Variants in MYH9 observed in about 807,000 individuals in gnomAD.
MYH9 encodes the protein myosin-9.
A neutral mutation model predicts 241.9 loss-of-function variants in MYH9; 29 were observed. The observed-to-expected ratio is 0.12, with a 90% CI of 0.09 to 0.16. The LOEUF (loss-of-function observed/expected upper bound fraction) is 0.16, where lower values mean the gene tolerates loss of function less well. Among genes scored for constraint, MYH9 ranks in the 10% least tolerant of loss-of-function variants. The pLI is 1.00. For missense variants in MYH9, 1,803 were observed against 2,595.5 expected (o/e 0.69, Z 6.63); for synonymous variants, 1,047 against 1,062.6 (o/e 0.99, Z 0.29).
At chr22:36,314,628 G>A (rs559439547) in intron 12 of MYH9, among the ~76,000 whole-genome samples, 9 of 152,078 alleles carry the variant, frequency 5.9e-5, no homozygotes, top group East Asian at 1.9e-4. Context: ...TATTGTGATC[G>A]AGTAATACAT....
intron 1 of MYH9, among the ~76,000 whole-genome samples, chr22:36,379,736 C>T (rs910610325): frequency 2.0e-5 from 3 of 152,158 alleles, no homozygotes; most frequent in Non-Finnish European, 2.9e-5. Flanking sequence ...TCCGGAAGGC[C>T]CTGCAAAGGC....
chr22:36,303,198 C>T (rs372901181), intron 19 of MYH9, among the ~76,000 whole-genome samples: 4 of 152,014 alleles, frequency 2.6e-5, no homozygotes, highest in African/African-American at 4.8e-5. Context: ...TCCCAGAGCT[C>T]GGCGCTCCTG....
intron 2 of MYH9, among the ~76,000 whole-genome samples, chr22:36,344,304 C>CGGTG (rs138892890): frequency 0.03 from 4,577 of 152,298 alleles, 218 homozygotes; most frequent in African/African-American, 0.1. Flanking sequence ...ATCCCAGGGC[C>CGGTG]TCACCCCCTG....
In MYH9 at chr22:36,289,413, G is replaced by A. The variant is rs56392504; in HGVS notation, c.4345-116C>T. On this transcript the variant is annotated intron_variant, in intron 31 of 40. Coordinates refer to ENST00000216181, the MANE Select transcript of MYH9 (RefSeq NM_002473.6). ...CCAGAGGCCACGGTGGAGAGGAGCA[G>A]GCCTAGGAAGCACAGGCCCAGGGCT... The A allele has an allele frequency of 4.6e-3, 4,362 of 938,580 alleles. 16 individuals carry two copies. The highest frequency in any genetic ancestry group is 6.3e-3 in the Non-Finnish European group (3,881 of 616,930). 58.1% of individuals were successfully genotyped at this position (938,580 alleles called of 1,614,324 possible).
chr22:36,286,102 T>C, intron 35 of MYH9, 149 bp from the exon 36 acceptor site: 1 of 773,630 alleles, frequency 1.3e-6, no homozygotes, highest in Non-Finnish European at 2.2e-6. Flanking sequence ...CTCACAGGGC[T>C]GGTGCCCCCC....
At chr22:36,348,123 G>A (rs956349329) in intron 2 of MYH9, among the ~76,000 whole-genome samples, 10 of 145,542 alleles carry the variant, frequency 6.9e-5, no homozygotes, top group Admixed American at 1.4e-4. Context: ...AAATAATTAA[G>A]ATATTTTATT....
chr22:36,293,198 G>A lies in MYH9; in HGVS notation c.4095+131C>T, dbSNP rs1014807567. ...TGAGAGCACTGATGTGGGAGAGCAC[G>A]GTTGGCTTCCCAGGGGGAGAGCAGC... On this transcript the variant is annotated intron_variant, in intron 30 of 40. Coordinates refer to ENST00000216181, the MANE Select transcript of MYH9 (RefSeq NM_002473.6). This position sits in a 1 kb window ranked among gnomAD's most constrained non-coding sequence, Gnocchi z 5.1. 6.9e-6 allele frequency: 8 copies of A among 1,155,904 alleles called. No homozygotes were observed. Among genetic ancestry groups the A allele is most frequent in the Middle Eastern group, 2.8e-4 (1 of 3,572 alleles). The allele number at this position is 1,155,904 out of a possible 1,614,324, so 71.6% of individuals were successfully genotyped here. A position where few individuals can be genotyped will look rare whatever the true frequency, so the allele number is the denominator to read the frequency against.
At chr22:36,287,460 T>C (rs2016605094) in intron 34 of MYH9, among the ~76,000 whole-genome samples, 1 of 152,140 alleles carries the variant, frequency 6.6e-6, no homozygotes, top group Non-Finnish European at 1.5e-5. Context: ...CATTTTTTTT[T>C]TGGCCGGGCG....
chr22:36,369,453 A>G (rs2018059446), intron 1 of MYH9, among the ~76,000 whole-genome samples: 1 of 152,352 alleles, frequency 6.6e-6, no homozygotes, highest in East Asian at 1.9e-4. Flanking sequence ...GCGGGCTGAG[A>G]ACAGCATGCT....
chr22:36,311,737 G>T (rs1270594093), intron 14 of MYH9, among the ~76,000 whole-genome samples: 1 of 152,202 alleles, frequency 6.6e-6, no homozygotes, highest in Non-Finnish European at 1.5e-5. Flanking sequence ...TTCAAACTCT[G>T]AGCACATGCC....
At chr22:36,290,871 C>T (rs1252299258) in intron 31 of MYH9, among the ~76,000 whole-genome samples, 2 of 151,708 alleles carry the variant, frequency 1.3e-5, no homozygotes, top group African/African-American at 2.4e-5. Context: ...CATCTCTGCC[C>T]GGCCGCCCCG....
chr22:36,286,070 C>T (rs1035679244), intron 35 of MYH9, 117 bp from the exon 36 acceptor site: 18 of 1,099,444 alleles, frequency 1.6e-5, no homozygotes, highest in Non-Finnish European at 2.3e-5. Flanking sequence ...CCCACGAAGC[C>T]CTTCCTCCAG....
chr22:36,286,881 G>C lies in MYH9; in HGVS notation c.4933-35C>G. 1.9e-6 allele frequency: 3 copies of C among 1,601,582 alleles called. No homozygotes were observed. The South Asian group carries it at 3.3e-5, about 18-fold the overall frequency. On this transcript the variant is annotated intron_variant, in intron 34 of 40. Coordinates refer to ENST00000216181, the MANE Select transcript of MYH9 (RefSeq NM_002473.6). ...GGACAGAGGCTTGGCACCCCACCCA[G>C]CTCCTTGGCCCTCCACCCCAACCCT...
intron 1 of MYH9, among the ~76,000 whole-genome samples, chr22:36,379,117 A>C (rs892301012): frequency 6.6e-6 from 1 of 152,220 alleles, no homozygotes; most frequent in Non-Finnish European, 1.5e-5. Flanking sequence ...TAGAGTTAAA[A>C]TGCAAGAAGA....
chr22:36,346,072 GGGA>G (rs1220498724), intron 2 of MYH9, among the ~76,000 whole-genome samples: 1 of 151,856 alleles, frequency 6.6e-6, no homozygotes, highest in Non-Finnish European at 1.5e-5. Context: ...GCTTGAACCC[GGGA>G]GGCAGAGGTT....
chr22:36,282,576 C>T lies in MYH9; in HGVS notation c.*92G>A. On this transcript the variant is annotated 3_prime_UTR_variant, in exon 41 of 41. Coordinates refer to ENST00000216181, the MANE Select transcript of MYH9 (RefSeq NM_002473.6). ...GGAGGAGGCATGTTCACAGCAGTCCCAAGAAGGTGGGGAGAGGCGTGCTGC... is the reference window on the plus strand; with the variant it reads ...GGAGGAGGCATGTTCACAGCAGTCCTAAGAAGGTGGGGAGAGGCGTGCTGC... The T allele has an allele frequency of 8.4e-7, 1 of 1,190,796 alleles. No homozygotes were observed. Among genetic ancestry groups the T allele is most frequent in the Non-Finnish European group, 1.2e-6 (1 of 802,314 alleles). The allele number at this position is 1,190,796 out of a possible 1,614,324, so 73.8% of individuals were successfully genotyped here.
Position 36,300,053 on chromosome 22 carries a change from C to A in MYH9, c.2976+74G>T. 1 of 1,589,642 alleles carries A rather than the reference C, an allele frequency of 6.3e-7. No homozygotes were observed. The highest frequency in any genetic ancestry group is 8.5e-7 in the Non-Finnish European group (1 of 1,170,210). ...GAAGCAGCAGCAGCGGGGAGCCAGGCCCTGCAAGGGTGACCACACTCTCCC... is the reference window on the plus strand; with the variant it reads ...GAAGCAGCAGCAGCGGGGAGCCAGGACCTGCAAGGGTGACCACACTCTCCC... On this transcript the variant is annotated intron_variant, in intron 23 of 40. Coordinates refer to ENST00000216181, the MANE Select transcript of MYH9 (RefSeq NM_002473.6). The surrounding 1 kb of genome is among the most constrained non-coding windows in gnomAD (Gnocchi z 5.0).
intron 1 of MYH9, among the ~76,000 whole-genome samples, chr22:36,365,757 G>A (rs975405198): frequency 6.6e-5 from 10 of 152,032 alleles, no homozygotes; most frequent in Non-Finnish European, 1.0e-4. Flanking sequence ...CACCGCACCC[G>A]GCCTTTTTTT....
Position 36,309,315 on chromosome 22 carries a change from A to G in MYH9, c.1810T>C (p.Ser604Pro), listed in dbSNP as rs559651078. The G allele has an allele frequency of 6.2e-7, 1 of 1,614,192 alleles. No individual in the cohort carries two copies. Among genetic ancestry groups the G allele is most frequent in the East Asian group, 2.2e-5 (1 of 44,882 alleles). The change falls in exon 15 of 41, where the codon TCT (serine) becomes CCT (proline). Residue 604 changes from serine to proline, a missense_variant. Coordinates refer to ENST00000216181, the MANE Select transcript of MYH9 (RefSeq NM_002473.6). ...DNIATLLHQS[S>P]DKFVSELWKD... Reference sequence around the variant, plus strand: ...CACAGCTCCGAGACAAACTTGTCAGAGGACTGGTGGAGCAGTGTGGCGATG... The same window carrying G: ...CACAGCTCCGAGACAAACTTGTCAGGGGACTGGTGGAGCAGTGTGGCGATG...
Sources: allele counts gnomAD v4.1 joint callset (sites outside exome capture counted in the v4.1 genomes callset), GRCh38; gene constraint gnomAD v4.1.1; non-coding constraint Gnocchi (gnomAD v3.1); transcripts MANE v1.5; gene names NCBI Gene and HGNC (gene_info 2026-07-23, HGNC 2026-07-21).